The following DHFR2 variants were observed in gnomAD, a reference collection of about 807,000 sequenced individuals.
The protein encoded by DHFR2 is dihydrofolate reductase 2.
Under a neutral mutation model 12.0 loss-of-function variants are expected in DHFR2, and 11 were observed. The ratio of observed to expected loss-of-function variants is 0.92; its 90% confidence interval spans 0.58 to 1.52. The LOEUF (loss-of-function observed/expected upper bound fraction) is 1.52, where lower values mean the gene tolerates loss of function less well. Among genes scored for constraint, DHFR2 ranks in the 40% most tolerant of loss-of-function variants. The pLI, the probability that DHFR2 is intolerant of heterozygous loss-of-function variation, is 0.00. For missense variants in DHFR2, 188 were observed against 221.2 expected (o/e 0.85, Z 0.95); for synonymous variants, 87 against 79.6 (o/e 1.09, Z -0.49).
At chr3:94,061,713 A>C in intron 1 of DHFR2, 107 bp from the exon 2 acceptor site, 1 of 687,062 alleles carries the variant, frequency 1.5e-6, no homozygotes. Context: ...AATTTATAAA[A>C]TATTTATAAA....
At chr3:94,062,465 T>A (rs2077181016) in intron 1 of DHFR2, among the ~76,000 whole-genome samples, 1 of 152,200 alleles carries the variant, frequency 6.6e-6, no homozygotes, top group Non-Finnish European at 1.5e-5. Flanking sequence ...CACCCTTTTA[T>A]CCTTGGGTAC....
intron 1 of DHFR2, among the ~76,000 whole-genome samples, chr3:94,062,525 A>G (rs2077181391): frequency 6.6e-6 from 1 of 152,246 alleles, no homozygotes; most frequent in Non-Finnish European, 1.5e-5. Flanking sequence ...TTAAGTCAGT[A>G]ACTAGCTTCG....
chr3:94,062,368 G>C (rs183691267), intron 1 of DHFR2, among the ~76,000 whole-genome samples: 65 of 152,310 alleles, frequency 4.3e-4, no homozygotes, highest in African/African-American at 1.5e-3. Context: ...GCCTACTTCA[G>C]TTTAACACTC....
At chr3:94,062,413 G>T in intron 1 of DHFR2, among the ~76,000 whole-genome samples, 1 of 152,168 alleles carries the variant, frequency 6.6e-6, no homozygotes, top group East Asian at 1.9e-4. Context: ...CATGGGCCAG[G>T]TCTGGGGAAA....
chr3:94,063,264 G>A, upstream of DHFR2: 1 of 967,678 alleles, frequency 1.0e-6, no homozygotes, highest in East Asian at 2.4e-5. Flanking sequence ...CGAGATCAGC[G>A]TTTCTTTGGC....
upstream of DHFR2, chr3:94,063,114 T>A: frequency 1.9e-6 from 3 of 1,613,952 alleles, no homozygotes; most frequent in Non-Finnish European, 1.7e-6. Context: ...GTTTGAAAGC[T>A]CTCAGCGGGA....
rs769842074 is a variant in DHFR2 at position 94,060,739 on chromosome 3, G to C, written c.*209C>G. On this transcript the variant is annotated 3_prime_UTR_variant, in exon 2 of 2. Coordinates refer to ENST00000314636, the MANE Select transcript of DHFR2 (RefSeq NM_176815.5). ...GCAGCTCACTGTAGCAGGTGCTGGG[G>C]ACTCAGTCGGGGTCTTGGAGAGACA... 7 of 604,390 alleles carry C rather than the reference G, an allele frequency of 1.2e-5. No homozygotes were observed. Among genetic ancestry groups the C allele is most frequent in the African/African-American group, 3.7e-5 (2 of 54,010 alleles). The allele number at this position is 604,390 out of a possible 1,614,324, so 37.4% of individuals were successfully genotyped here.
Position 94,061,259 on chromosome 3 carries a change from G to A in DHFR2, c.253C>T (p.Gln85Ter), listed in dbSNP as rs573628962. ...CTTCTGGCAAGAAAATGAGCTCCTT[G>A]TGGAGGTTCCTTGAGTTCTCTGCTG... ...VLSRELKEPP[Q>*]GAHFLARSLD... The change falls in exon 2 of 2, where the codon CAA (glutamine) becomes TAA (stop). Residue 85 changes from glutamine (Q) to a stop codon, truncating the protein, a stop_gained. Transcript: ENST00000314636. LOFTEE classifies it high-confidence loss of function. 2 of 1,613,966 alleles carry A rather than the reference G, an allele frequency of 1.2e-6. No homozygotes were observed. Among genetic ancestry groups the A allele is most frequent in the Non-Finnish European group, 1.7e-6 (2 of 1,179,858 alleles).
rs2077160902 is a variant in DHFR2 at position 94,059,434 on chromosome 3, A to C, written c.*1514T>G. The C allele has an allele frequency of 6.6e-6, 1 of 152,248 alleles. No individual in the cohort carries two copies. Among genetic ancestry groups the C allele is most frequent in the Non-Finnish European group, 1.5e-5 (1 of 68,118 alleles). 9.4% of individuals were successfully genotyped at this position (152,248 alleles called of 1,614,324 possible). On this transcript the variant is annotated 3_prime_UTR_variant, in exon 2 of 2. Transcript: ENST00000314636. ...CCACCATGTTGCCCAAGCTGGTCTC[A>C]GGTGATCCACCCACCTCAGCCCCCC...
chr3:94,061,344 C>T lies in DHFR2; in HGVS notation c.168G>A (p.Lys56=), dbSNP rs140605692. The change falls in exon 2 of 2, where the codon AAG becomes AAA. Residue 56 remains lysine (K), a synonymous_variant. Transcript: ENST00000314636. ...GKQNLVIMGR[K]TWFSIPEKNR... ...TCTTCTCAGGAATGGAGAACCAGGT[C>T]TTCCTACCCATAATCACCAGATTCT... 7.1e-5 allele frequency: 115 copies of T among 1,613,826 alleles called. 1 individual carries two copies. Among genetic ancestry groups the T allele is most frequent in the Non-Finnish European group, 9.6e-5 (113 of 1,179,812 alleles).
chr3:94,059,922 G>A lies in DHFR2; in HGVS notation c.*1026C>T, dbSNP rs1268513501. The stretch of plus-strand genomic sequence containing the variant: ...AAATACAAAATTAGCCTGGCGTGGT[G>A]GCACGCGCCTGTAGTCCCAGCCACC... On this transcript the variant is annotated 3_prime_UTR_variant, in exon 2 of 2. Coordinates refer to ENST00000314636, the MANE Select transcript of DHFR2 (RefSeq NM_176815.5). The A allele has an allele frequency of 2.6e-5, 4 of 152,160 alleles. No homozygotes were observed. The highest frequency in any genetic ancestry group is 5.9e-5 in the Non-Finnish European group (4 of 68,082). 9.4% of individuals were successfully genotyped at this position (152,160 alleles called of 1,614,324 possible). A position where few individuals can be genotyped will look rare whatever the true frequency, so the allele number is the denominator to read the frequency against.
Position 94,061,312 on chromosome 3 carries a change from G to A in DHFR2, c.200C>T (p.Pro67Leu). 6.2e-7 allele frequency: 1 copy of A among 1,613,976 alleles called. No individual in the cohort carries two copies. The highest frequency in any genetic ancestry group is 8.5e-7 in the Non-Finnish European group (1 of 1,179,898). The change falls in exon 2 of 2, where the codon CCT becomes CTT. Residue 67 changes from proline to leucine, a missense_variant. Transcript: ENST00000314636. ...AACTAAATTAATTCTATCCTTTAAA[G>A]GTCGATTCTTCTCAGGAATGGAGAA... ...TWFSIPEKNRPLKDRINLVLS... is the reference protein window; with the variant it reads ...TWFSIPEKNRLLKDRINLVLS...
rs1430035278 is a variant in DHFR2 at position 94,060,207 on chromosome 3, C to G, written c.*741G>C. On this transcript the variant is annotated 3_prime_UTR_variant, in exon 2 of 2. Coordinates refer to ENST00000314636, the MANE Select transcript of DHFR2 (RefSeq NM_176815.5). Reference sequence around the variant, plus strand: ...ATTGAGTAGGTGGAGTACGTTCTGCCCACACACAGGACAGGGAGCTGACAA... The same window carrying G: ...ATTGAGTAGGTGGAGTACGTTCTGCGCACACACAGGACAGGGAGCTGACAA... 6.6e-6 allele frequency: 1 copy of G among 152,266 alleles called. No homozygotes were observed. Among genetic ancestry groups the G allele is most frequent in the Non-Finnish European group, 1.5e-5 (1 of 68,148 alleles). 9.4% of individuals were successfully genotyped at this position (152,266 alleles called of 1,614,324 possible).
rs773002430 is a variant in DHFR2 at position 94,061,459 on chromosome 3, C to T, written c.53G>A (p.Gly18Asp). 2 of 1,614,010 alleles carry T rather than the reference C, an allele frequency of 1.2e-6. No homozygotes were observed. The highest frequency in any genetic ancestry group is 1.3e-5 in the African/African-American group (1 of 74,900). The change falls in exon 2 of 2, where the codon GGC (glycine) becomes GAC (aspartate). Residue 18 changes from glycine (G) to aspartate (D), a missense_variant. Transcript: ENST00000314636. Reference sequence around the variant, plus strand: ...CGGCCTGGGCAGGTCCCCGTTCTTGCCGATGCCCATGTTTTGGGACACAGC... The same window carrying T: ...CGGCCTGGGCAGGTCCCCGTTCTTGTCGATGCCCATGTTTTGGGACACAGC... ...IVAVSQNMGI[G>D]KNGDLPRPPL... is the part of the protein sequence containing the mutation.
At position 94,058,740 on chromosome 3, in the gene DHFR2, T is replaced by C. The variant is rs1009608052; in HGVS notation, c.*2208A>G. On this transcript the variant is annotated 3_prime_UTR_variant, in exon 2 of 2. Coordinates refer to ENST00000314636, the MANE Select transcript of DHFR2 (RefSeq NM_176815.5). ...CCCCCTTGTTTTTTTTTGTTTTTTT[T>C]TTTTTTTACTTTTGCTTTATCTTCA... The C allele has an allele frequency of 6.3e-6, 1 of 158,702 alleles. No homozygotes were observed. The highest frequency in any genetic ancestry group is 1.4e-5 in the Non-Finnish European group (1 of 72,814). The allele number at this position is 158,702 out of a possible 1,614,324, so 9.8% of individuals were successfully genotyped here. A position where few individuals can be genotyped will look rare whatever the true frequency, so the allele number is the denominator to read the frequency against.
intron 1 of DHFR2, 128 bp from the exon 2 acceptor site, chr3:94,061,734 A>T (rs1207827680): frequency 7.7e-6 from 5 of 648,304 alleles, no homozygotes; most frequent in Non-Finnish European, 9.8e-6. Flanking sequence ...ATATAAATTT[A>T]TAAAATTATA....
rs1272698803 is a variant in DHFR2, at chr3:94,058,216, A to C, written c.*2732T>G. On this transcript the variant is annotated 3_prime_UTR_variant, in exon 2 of 2. Transcript: ENST00000314636. Reference sequence around the variant, plus strand: ...CTGCGACTTGTTCTTTCCAGAGGAAAGCACTTTTCATTCTCTTAGTTTTTC... The same window carrying C: ...CTGCGACTTGTTCTTTCCAGAGGAACGCACTTTTCATTCTCTTAGTTTTTC... 1 of 152,198 alleles carries C rather than the reference A, an allele frequency of 6.6e-6. No homozygotes were observed. The highest frequency in any genetic ancestry group is 1.5e-5 in the Non-Finnish European group (1 of 68,030). The allele number at this position is 152,198 out of a possible 1,614,324, so 9.4% of individuals were successfully genotyped here.
Position 94,060,801 on chromosome 3 carries a change from T to C in DHFR2, c.*147A>G, listed in dbSNP as rs1173507561. 4 of 896,878 alleles carry C rather than the reference T, an allele frequency of 4.5e-6. No individual in the cohort carries two copies. Among genetic ancestry groups the C allele is most frequent in the Non-Finnish European group, 5.0e-6 (3 of 601,508 alleles). 55.6% of individuals were successfully genotyped at this position (896,878 alleles called of 1,614,324 possible). ...AATGTTTCATAAATGGTATCTGATA[T>C]AGCCAAGATTAGTGAGGAATAAAAA... On this transcript the variant is annotated 3_prime_UTR_variant, in exon 2 of 2. Transcript: ENST00000314636.
At chr3:94,062,082 G>C (rs2077178868) in intron 1 of DHFR2, among the ~76,000 whole-genome samples, 1 of 152,110 alleles carries the variant, frequency 6.6e-6, no homozygotes, top group South Asian at 2.1e-4. Flanking sequence ...ATTGCTGATT[G>C]CTGCTACAAA....
Sources: gnomAD v4.1 joint callset for allele counts (sites outside exome capture counted in the v4.1 genomes callset) on GRCh38, gnomAD v4.1.1 for gene constraint, MANE v1.5 for transcripts, NCBI Gene and HGNC (gene_info 2026-07-23, HGNC 2026-07-21) for gene names.